The following ZNF333 variants were observed in gnomAD, a reference collection of about 807,000 sequenced individuals.
ZNF333 encodes zinc finger protein 333.
A neutral mutation model predicts 76.1 loss-of-function variants in ZNF333; 61 were observed. That is an observed-to-expected ratio of 0.80 (90% confidence interval 0.65 to 0.99). ZNF333 has a LOEUF of 0.99. ZNF333 is among the 50% of genes least tolerant of loss of function. The probability of loss-of-function intolerance (pLI) is 0.00; values close to 1 mark genes in which losing one functional copy is unlikely to be tolerated. For missense variants in ZNF333, 717 were observed against 822.4 expected, an observed-to-expected ratio of 0.87 and a Z score of 1.57; for synonymous variants, 284 against 305.0, an observed-to-expected ratio of 0.93 and a Z score of 0.72.
chr19:14,732,485 C>T (rs1046913607), exon 12 of ZNF333: 9 of 152,102 alleles, frequency 5.9e-5, no homozygotes, highest in African/African-American at 1.9e-4. Context: ...TGTATGTGCT[C>T]ATCACATATG....
chr19:14,713,952 C>G (rs1301755053), intron 7 of ZNF333, among the ~76,000 whole-genome samples: 2 of 149,346 alleles, frequency 1.3e-5, no homozygotes, highest in African/African-American at 4.9e-5. Context: ...CAGAGCAAGA[C>G]TCTGGCTCAA....
Position 14,714,340 on chromosome 19 carries a change from C to T in ZNF333, c.512-1042C>T, listed in dbSNP as rs532051427. 5.3e-5 allele frequency among the ~76,000 whole-genome samples: 8 copies of T among 152,144 alleles called. No homozygotes were observed. The East Asian group carries it at 5.8e-4, about 11-fold the overall frequency. On this transcript the variant is annotated intron_variant, in intron 7 of 11. Coordinates refer to ENST00000292530, the MANE Select transcript of ZNF333 (RefSeq NM_032433.4). The stretch of plus-strand genomic sequence containing the variant: ...TCCTTATGAGAAGAGGAAGACGCCA[C>T]GTGAAGACAGACACGCAGGGAGGGG...
chr19:14,712,928 A>T (rs1169268948), intron 7 of ZNF333, among the ~76,000 whole-genome samples: 1 of 152,148 alleles, frequency 6.6e-6, no homozygotes, highest in Non-Finnish European at 1.5e-5. Flanking sequence ...TCTGTTCTCT[A>T]GTCCCCCCAA....
intron 7 of ZNF333, among the ~76,000 whole-genome samples, chr19:14,709,632 C>T (rs371235386): frequency 6.6e-6 from 1 of 152,168 alleles, no homozygotes; most frequent in African/African-American, 2.4e-5. Flanking sequence ...TAAATAAGGT[C>T]ATAAGGGTGA....
rs540351181 is a variant in ZNF333 at position 14,697,858 on chromosome 19, G to T, written c.224-1341G>T. 1.6e-4 allele frequency among the ~76,000 whole-genome samples: 25 copies of T among 152,264 alleles called. No homozygotes were observed. In the South Asian group the frequency reaches 5.2e-3, roughly 32 times the overall value. On this transcript the variant is annotated intron_variant, in intron 4 of 11. Coordinates refer to ENST00000292530, the MANE Select transcript of ZNF333 (RefSeq NM_032433.4). ...TTTATCCACATTCTCGCCCATACTT[G>T]TCATCCAATTCCTCTTTAAATTTAA...
At position 14,716,229 on chromosome 19, in the gene ZNF333, G is replaced by A. The variant is rs780391999; in HGVS notation, c.718G>A (p.Ala240Thr). 8 of 1,610,854 alleles carry A rather than the reference G, an allele frequency of 5.0e-6. No homozygotes were observed. The highest frequency in any genetic ancestry group is 1.7e-4 in the Middle Eastern group (1 of 6,032). Residue 240 changes from alanine (A) to threonine (T), a missense_variant, in exon 9 of 12, where the codon GCC becomes ACC. By Grantham distance (58) the Ala-to-Thr change is moderately conservative. Coordinates refer to ENST00000292530, the MANE Select transcript of ZNF333 (RefSeq NM_032433.4). ...DVMLENYRNL[A>T]SVADQLCKPN... ...GATGCTGGAGAACTACAGGAACCTG[G>A]CCTCTGTGGGTAAGGCAGCTTCATC...
rs1202388344 is a variant in ZNF333 at position 14,720,258 on chromosome 19, G to A, written c.*933G>A. On this transcript the variant is annotated 3_prime_UTR_variant, in exon 12 of 12. Coordinates refer to ENST00000292530, the MANE Select transcript of ZNF333 (RefSeq NM_032433.4). ...CAAGCAAGGGCAGGCCATTTCCTCCGGTCCTGGCTAGTATGAATATGAGAA... is the reference window on the plus strand; with the variant it reads ...CAAGCAAGGGCAGGCCATTTCCTCCAGTCCTGGCTAGTATGAATATGAGAA... The A allele has an allele frequency of 1.6e-5, 16 of 985,210 alleles. No individual in the cohort carries two copies. Among genetic ancestry groups the A allele is most frequent in the African/African-American group, 3.5e-5 (2 of 57,180 alleles). The allele number at this position is 985,210 out of a possible 1,614,324, so 61.0% of individuals were successfully genotyped here. A position where few individuals can be genotyped will look rare whatever the true frequency, so the allele number is the denominator to read the frequency against.
At chr19:14,694,207 T>C (rs1018891884) in intron 2 of ZNF333, among the ~76,000 whole-genome samples, 4 of 152,130 alleles carry the variant, frequency 2.6e-5, no homozygotes, top group Non-Finnish European at 5.9e-5. Context: ...GCGTGGTGGC[T>C]CATGCCTGTA....
intron 7 of ZNF333, among the ~76,000 whole-genome samples, chr19:14,714,131 T>C (rs1176180355): frequency 1.3e-5 from 2 of 150,940 alleles, no homozygotes; most frequent in African/African-American, 5.0e-5. Context: ...TAGCCCATGA[T>C]AGGGAATGAA....
Position 14,718,399 on chromosome 19 carries a change from A to C in ZNF333, c.1072A>C (p.Lys358Gln). Residue 358 changes from lysine to glutamine, a missense_variant, in exon 12 of 12, where the codon AAA becomes CAA. Coordinates refer to ENST00000292530, the MANE Select transcript of ZNF333 (RefSeq NM_032433.4). Reference protein sequence around the residue: ...FQSAHLIVPEKIRSGDKSYAC... With the variant: ...FQSAHLIVPEQIRSGDKSYAC... ...GAGTGCCCACCTAATTGTGCCCGAG[A>C]AAATCCGTAGTGGGGATAAATCCTA... The C allele has an allele frequency of 1.2e-6, 2 of 1,614,214 alleles. No homozygotes were observed. The highest frequency in any genetic ancestry group is 1.7e-6 in the Non-Finnish European group (2 of 1,180,040).
At position 14,718,306 on chromosome 19, in the gene ZNF333, C is replaced by T; in HGVS notation, c.979C>T (p.Gln327Ter). 1 of 1,614,112 alleles carries T rather than the reference C, an allele frequency of 6.2e-7. No individual in the cohort carries two copies. The highest frequency in any genetic ancestry group is 8.5e-7 in the Non-Finnish European group (1 of 1,180,026). Residue 327 changes from glutamine (Q) to a stop codon, truncating the protein, a stop_gained, in exon 12 of 12, where the codon CAG (glutamine) becomes TAG (stop). Transcript: ENST00000292530. LOFTEE classifies it high-confidence loss of function. Reference protein sequence around the residue: ...KPFNSIEPLFQYQRIHAGEAS... With the variant: ...KPFNSIEPLF The stretch of plus-strand genomic sequence containing the variant: ...TTTTAACAGCATTGAACCACTTTTC[C>T]AGTACCAGAGAATTCATGCTGGAGA...
intron 4 of ZNF333, among the ~76,000 whole-genome samples, chr19:14,696,878 A>G (rs1382561492): frequency 1.3e-5 from 2 of 151,782 alleles, no homozygotes; most frequent in Non-Finnish European, 2.9e-5. Context: ...AGCTGGGACT[A>G]CAGGTGCACA....
intron 7 of ZNF333, among the ~76,000 whole-genome samples, chr19:14,710,852 G>A (rs1241837518): frequency 6.6e-6 from 1 of 152,162 alleles, no homozygotes; most frequent in African/African-American, 2.4e-5. Context: ...TGTACAAGAA[G>A]CACGGCACCA....
chr19:14,699,355 C>G, intron 5 of ZNF333, 74 bp downstream of exon 5: 2 of 1,319,166 alleles, frequency 1.5e-6, no homozygotes, highest in Middle Eastern at 1.8e-4. Flanking sequence ...AAATACAGGA[C>G]CAGAGCCAGG....
downstream of ZNF333, among the ~76,000 whole-genome samples, chr19:14,722,064 C>T (rs2042595828): frequency 6.6e-6 from 1 of 152,190 alleles, no homozygotes; most frequent in Non-Finnish European, 1.5e-5. Context: ...ATGAAAGTTT[C>T]ATTGCTTCAC....
At chr19:14,697,357 C>CTTTTTTTTTTTTTTTTT (rs139125023) in intron 4 of ZNF333, among the ~76,000 whole-genome samples, 3 of 90,828 alleles carry the variant, frequency 3.3e-5, no homozygotes, top group Non-Finnish European at 6.6e-5. Flanking sequence ...TTTTTCTTTT[C>CTTTTTTTTTTTTTTTTT]TTTTTTTTTT....
At chr19:14,693,980 T>TAAAAAAAAA (rs61027794) in intron 2 of ZNF333, among the ~76,000 whole-genome samples, 1 of 113,130 alleles carries the variant, frequency 8.8e-6, no homozygotes, top group African/African-American at 3.5e-5. Flanking sequence ...ACCTTGTCTC[T>TAAAAAAAAA]AAAAAAAAAA....
At chr19:14,730,527 C>T (rs1295678380) in intron 11 of ZNF333, among the ~76,000 whole-genome samples, 2 of 149,672 alleles carry the variant, frequency 1.3e-5, no homozygotes, top group African/African-American at 2.5e-5. Flanking sequence ...TTTTCTTTGT[C>T]TTCCTCTCTC....
chr19:14,722,418 G>A (rs1415800274), downstream of ZNF333, among the ~76,000 whole-genome samples: 1 of 152,200 alleles, frequency 6.6e-6, no homozygotes, highest in Non-Finnish European at 1.5e-5. Flanking sequence ...TATGTCATCT[G>A]TGGAAAAATG....
Sources: gnomAD v4.1 joint callset for allele counts (sites outside exome capture counted in the v4.1 genomes callset) on GRCh38, gnomAD v4.1.1 for gene constraint, MANE v1.5 for transcripts, NCBI Gene and HGNC (gene_info 2026-07-23, HGNC 2026-07-21) for gene names.